RBFOX1: variants seen among roughly 807,000 people sequenced by gnomAD.
RBFOX1 encodes RNA binding fox-1 homolog 1, also known as RNA binding protein fox-1 homolog 1.
A neutral mutation model predicts 57.7 loss-of-function variants in RBFOX1; 8 were observed. That is an observed-to-expected ratio of 0.14 (90% CI 0.08 to 0.25). RBFOX1 has a LOEUF of 0.25. Ranked by LOEUF, RBFOX1 falls within the 10% of genes least tolerant of loss-of-function variation. The pLI is 1.00. For missense variants in RBFOX1, 611 were observed against 548.5 expected (o/e 1.11, Z -1.14); for synonymous variants, 326 against 222.4 (o/e 1.47, Z -4.15).
intron 3 of RBFOX1, among the ~76,000 whole-genome samples, chr16:7,025,892 G>A (rs998995659): frequency 2.0e-5 from 3 of 152,128 alleles, no homozygotes; most frequent in African/African-American, 7.2e-5. Flanking sequence ...AATAGTACAG[G>A]CCTGGACTTC....
intron 4 of RBFOX1, among the ~76,000 whole-genome samples, chr16:7,196,136 AAG>A (rs1378983809): frequency 6.6e-6 from 1 of 152,034 alleles, no homozygotes; most frequent in African/African-American, 2.4e-5. Context: ...CATTTTTCTA[AAG>A]GAAGTAAAGG....
intron 4 of RBFOX1, among the ~76,000 whole-genome samples, chr16:7,086,638 G>A (rs1021926421): frequency 1.3e-5 from 2 of 151,962 alleles, no homozygotes; most frequent in African/African-American, 4.8e-5. Context: ...TTTGTAAGGA[G>A]AGCCTATTGA....
rs553405323 is a variant in RBFOX1, at chr16:5,299,939, T to C, written c.219+59834T>C. On this transcript the variant is annotated intron_variant, in intron 1 of 2. Coordinates refer to the RBFOX1 transcript ENST00000585867. ...CTGTAGTTTTTTTTAATAGATGCACTTTATCACATTGAGGATGTTTCCTTT... is the reference window on the plus strand; with the variant it reads ...CTGTAGTTTTTTTTAATAGATGCACCTTATCACATTGAGGATGTTTCCTTT... 2.0e-5 allele frequency among the ~76,000 whole-genome samples: 3 copies of C among 152,292 alleles called. No homozygotes were observed. In the South Asian group the frequency reaches 6.2e-4, roughly 32 times the overall value.
intron 4 of RBFOX1, among the ~76,000 whole-genome samples, chr16:7,324,928 G>A (rs1603621697): frequency 6.6e-6 from 1 of 152,240 alleles, no homozygotes; most frequent in African/African-American, 2.4e-5. Flanking sequence ...TTCAAAAATT[G>A]CATTTTCCAT....
intron 2 of RBFOX1, among the ~76,000 whole-genome samples, chr16:5,594,656 C>T (rs2047121655): frequency 6.6e-6 from 1 of 152,104 alleles, no homozygotes; most frequent in Admixed American, 6.5e-5. Flanking sequence ...TGATTAGCAT[C>T]TCCAAAGGAG....
chr16:6,415,975 C>G (rs1415720623), intron 2 of RBFOX1, among the ~76,000 whole-genome samples: 1 of 152,168 alleles, frequency 6.6e-6, no homozygotes, highest in African/African-American at 2.4e-5. Context: ...TCACAATATC[C>G]CATTGTTAAC....
intron 2 of RBFOX1, among the ~76,000 whole-genome samples, chr16:6,414,298 T>C (rs544151343): frequency 1.3e-5 from 2 of 152,344 alleles, no homozygotes; most frequent in South Asian, 2.1e-4. Context: ...CATATGTACT[T>C]ATATATGTAT....
At chr16:6,294,273 C>A (rs1290469390) in intron 1 of RBFOX1, among the ~76,000 whole-genome samples, 1 of 152,200 alleles carries the variant, frequency 6.6e-6, no homozygotes, top group Non-Finnish European at 1.5e-5. Context: ...CTGGGGAGAG[C>A]ACAGACTCTT....
chr16:5,568,153 A>T (rs527764202), intron 2 of RBFOX1, among the ~76,000 whole-genome samples: 9 of 152,122 alleles, frequency 5.9e-5, no homozygotes, highest in Non-Finnish European at 1.3e-4. Flanking sequence ...ATTGCATTCA[A>T]ATGTCTCCAG....
chr16:5,599,215 C>T, exon 3 of RBFOX1: 1 of 698,342 alleles, frequency 1.4e-6, no homozygotes, highest in South Asian at 1.5e-5. Flanking sequence ...ACCAGGCCCA[C>T]TTGGTGGACA....
At chr16:6,268,337 C>A (rs1350271667) in intron 1 of RBFOX1, among the ~76,000 whole-genome samples, 1 of 152,214 alleles carries the variant, frequency 6.6e-6, no homozygotes, top group East Asian at 1.9e-4. Flanking sequence ...CTGCTCCCAT[C>A]ACCCTAATCA....
At chr16:7,206,652 A>G (rs897478679) in intron 4 of RBFOX1, among the ~76,000 whole-genome samples, 8 of 151,972 alleles carry the variant, frequency 5.3e-5, no homozygotes, top group South Asian at 2.1e-4. Context: ...CCTCAGCTAG[A>G]TTAGTTTTAA....
At chr16:6,327,713 A>T (rs1421080785) in intron 2 of RBFOX1, among the ~76,000 whole-genome samples, 2 of 152,200 alleles carry the variant, frequency 1.3e-5, no homozygotes, top group Admixed American at 6.5e-5. Flanking sequence ...GAAAAGAAAA[A>T]GGAGTTTCAG....
chr16:7,093,445 C>A (rs59159147), intron 4 of RBFOX1, among the ~76,000 whole-genome samples: 6 of 152,150 alleles, frequency 3.9e-5, no homozygotes, highest in Admixed American at 2.0e-4. Flanking sequence ...ATAGTCACAT[C>A]TTTAATGTTG....
At chr16:6,786,154 C>T (rs746179345) in intron 3 of RBFOX1, among the ~76,000 whole-genome samples, 3 of 152,172 alleles carry the variant, frequency 2.0e-5, no homozygotes, top group South Asian at 2.1e-4. Flanking sequence ...GAATGGAGTT[C>T]GGGGGCCAGG....
chr16:7,575,679 C>G (rs1353861932), intron 5 of RBFOX1, among the ~76,000 whole-genome samples: 3 of 152,182 alleles, frequency 2.0e-5, no homozygotes, highest in South Asian at 4.1e-4. Context: ...AGAATGAAGT[C>G]CAGTGGCTTT....
chr16:5,587,103 C>T (rs1263295766), intron 2 of RBFOX1, among the ~76,000 whole-genome samples: 1 of 152,110 alleles, frequency 6.6e-6, no homozygotes, highest in East Asian at 1.9e-4. Context: ...GGTTATGCAC[C>T]TGAAACTGAC....
chr16:7,400,322 A>G (rs960200866), intron 4 of RBFOX1, among the ~76,000 whole-genome samples: 7 of 152,154 alleles, frequency 4.6e-5, no homozygotes, highest in East Asian at 1.9e-4. Flanking sequence ...GCATTATGCA[A>G]TTCTGCCCCC....
intron 3 of RBFOX1, among the ~76,000 whole-genome samples, chr16:6,848,275 A>C (rs1200431207): frequency 6.6e-6 from 1 of 152,030 alleles, no homozygotes; most frequent in Non-Finnish European, 1.5e-5. Flanking sequence ...GCTGATTGTG[A>C]CCATGTGGGA....
Sources: gnomAD v4.1 joint callset for allele counts (sites outside exome capture counted in the v4.1 genomes callset) on GRCh38, gnomAD v4.1.1 for gene constraint, MANE v1.5 for transcripts, NCBI Gene and HGNC (gene_info 2026-07-23, HGNC 2026-07-21) for gene names.